Variants in TRAPPC8 observed in about 807,000 individuals in gnomAD.
The protein encoded by TRAPPC8 is trafficking protein particle complex subunit 8.
TRAPPC8 carries 54 observed loss-of-function variants against 174.3 expected under a neutral mutation model. The ratio of observed to expected loss-of-function variants is 0.31; its 90% CI spans 0.25 to 0.39. The LOEUF is 0.39. TRAPPC8 is among the 10% of genes least tolerant of loss of function. The probability of loss-of-function intolerance (pLI) is 1.00; values close to 1 mark genes in which losing one functional copy is unlikely to be tolerated. For synonymous variants in TRAPPC8, 630 were observed against 579.9 expected, an observed-to-expected ratio of 1.09 and a Z score of -1.24; for missense variants, 1,531 against 1,699.1, an observed-to-expected ratio of 0.90 and a Z score of 1.74.
chr18:31,920,759 G>T (rs1196537473), intron 2 of TRAPPC8, among the ~76,000 whole-genome samples: 1 of 151,974 alleles, frequency 6.6e-6, no homozygotes, highest in Non-Finnish European at 1.5e-5. Flanking sequence ...CGACCAACAT[G>T]GTAGAACGCT....
At chr18:31,924,035 G>A (rs1393212725) in intron 2 of TRAPPC8, among the ~76,000 whole-genome samples, 1 of 152,172 alleles carries the variant, frequency 6.6e-6, no homozygotes, top group Non-Finnish European at 1.5e-5. Context: ...TATAATCCCA[G>A]CACTTTAGGA....
intron 1 of TRAPPC8, among the ~76,000 whole-genome samples, chr18:31,936,536 C>A (rs966146130): frequency 5.9e-5 from 9 of 152,234 alleles, no homozygotes; most frequent in African/African-American, 2.2e-4. Context: ...TTTGGTACTT[C>A]CACACCTTGG....
Position 31,883,594 on chromosome 18 carries a change from G to A in TRAPPC8, c.1728+7141C>T, listed in dbSNP as rs142139146. 11 of 153,132 alleles carry A rather than the reference G, an allele frequency of 7.2e-5. No individual in the cohort carries two copies. The South Asian group carries it at 1.9e-3, about 26-fold the overall frequency. The allele number at this position is 153,132 out of a possible 1,614,324, so 9.5% of individuals were successfully genotyped here. On this transcript the variant is annotated intron_variant, in intron 12 of 28. Coordinates refer to ENST00000283351, the MANE Select transcript of TRAPPC8 (RefSeq NM_014939.5). ...GAACTCACCAGGTACTAACCATTTG[G>A]CCATCACTGCCCAACTAATGAAAGA... is the stretch of plus-strand genomic sequence containing the variant.
chr18:31,840,361 T>C (rs1455295279), intron 26 of TRAPPC8, among the ~76,000 whole-genome samples: 1 of 128,380 alleles, frequency 7.8e-6, no homozygotes. Context: ...TGCCTCAAAA[T>C]AAATAGAGAG....
intron 2 of TRAPPC8, among the ~76,000 whole-genome samples, chr18:31,917,888 C>T (rs1466004911): frequency 6.6e-6 from 1 of 152,098 alleles, no homozygotes; most frequent in African/African-American, 2.4e-5. Flanking sequence ...CTTTGGGAGG[C>T]CAAGGTGGGT....
rs1233277181 is a variant in TRAPPC8 at position 31,829,385 on chromosome 18, T to C, written c.*1370A>G. ...CCTCCTCAGACTTTTTATAAGCCCA[T>C]GGCCCTAAACTCTCAAGAAGGAAAT... On this transcript the variant is annotated 3_prime_UTR_variant, in exon 29 of 29. Transcript: ENST00000283351. The C allele has an allele frequency of 6.6e-6, 1 of 152,170 alleles. No individual in the cohort carries two copies. The highest frequency in any genetic ancestry group is 1.5e-5 in the Non-Finnish European group (1 of 68,030). 9.4% of individuals were successfully genotyped at this position (152,170 alleles called of 1,614,324 possible). A position where few individuals can be genotyped will look rare whatever the true frequency, so the allele number is the denominator to read the frequency against.
In TRAPPC8 at chr18:31,936,628, G is replaced by C. The variant is rs1035682945; in HGVS notation, c.158-5105C>G. On this transcript the variant is annotated intron_variant, in intron 1 of 28. Coordinates refer to ENST00000283351, the MANE Select transcript of TRAPPC8 (RefSeq NM_014939.5). ...CTAAAAGAAATTTAAGAGGCCAGAC[G>C]CAGTGGCTCATGCCTGTAATCCAGC... Among the ~76,000 whole-genome samples, 3 of 152,168 alleles carry C rather than the reference G, an allele frequency of 2.0e-5. No individual in the cohort carries two copies. In the South Asian group the frequency reaches 6.2e-4, roughly 32 times the overall value.
intron 27 of TRAPPC8, among the ~76,000 whole-genome samples, chr18:31,834,404 C>A (rs2032585947): frequency 6.6e-6 from 1 of 152,156 alleles, no homozygotes; most frequent in African/African-American, 2.4e-5. Flanking sequence ...GCCACCAGGT[C>A]CAGTCTTGGG....
chr18:31,920,302 T>C (rs2037326885), intron 2 of TRAPPC8, among the ~76,000 whole-genome samples: 1 of 152,168 alleles, frequency 6.6e-6, no homozygotes. Flanking sequence ...AAATAGCTCT[T>C]CTTAGCAACA....
In TRAPPC8 at chr18:31,913,995, A is replaced by T. The variant is rs913415093; in HGVS notation, c.618-473T>A. 3.3e-5 allele frequency among the ~76,000 whole-genome samples: 5 copies of T among 152,048 alleles called. No individual in the cohort carries two copies. The East Asian group carries it at 9.7e-4, about 29-fold the overall frequency. ...ATCCTAGGCAACATAGGGAAACCCT[A>T]TCTCTATCAAAATTAAAATTAACCA... On this transcript the variant is annotated intron_variant, in intron 4 of 28. Transcript: ENST00000283351.
At chr18:31,919,543 A>G (rs1267347345) in intron 2 of TRAPPC8, among the ~76,000 whole-genome samples, 1 of 99,088 alleles carries the variant, frequency 1.0e-5, no homozygotes, top group Non-Finnish European at 2.1e-5. Context: ...AAAATAAATA[A>G]ATAAATAAAT....
intron 25 of TRAPPC8, among the ~76,000 whole-genome samples, chr18:31,848,774 TA>T (rs1287825624): frequency 6.6e-6 from 1 of 152,182 alleles, no homozygotes; most frequent in Non-Finnish European, 1.5e-5. Flanking sequence ...ACAAGATCCT[TA>T]ATTTTACTGC....
At chr18:31,867,587 A>T in intron 16 of TRAPPC8, 111 bp from the exon 17 acceptor site, 2 of 686,562 alleles carry the variant, frequency 2.9e-6, no homozygotes, top group Non-Finnish European at 4.6e-6. Context: ...GTCTGCATTT[A>T]CTTGGTTTTT....
rs1440971152 is a variant in TRAPPC8 at position 31,916,284 on chromosome 18, C to G, written c.605G>C (p.Gly202Ala). 6.4e-7 allele frequency: 1 copy of G among 1,550,400 alleles called. No homozygotes were observed. Among genetic ancestry groups the G allele is most frequent in the Non-Finnish European group, 8.7e-7 (1 of 1,152,160 alleles). The part of the protein sequence containing the change: ...YYVLLHDVSA[G>A]DEQRAESIYE... ...AATAAAAACTTACCTCTGTTCATCT[C>G]CTGCACTTACATCATGTAAAAGTAC... The change falls in exon 4 of 29, where the codon GGA becomes GCA. Residue 202 changes from glycine (G) to alanine (A), a missense_variant. Gly to Ala is a moderately conservative substitution (Grantham distance 60). Transcript: ENST00000283351.
chr18:31,900,871 AAG>A, intron 10 of TRAPPC8, 52 bp downstream of exon 10: 5 of 1,413,508 alleles, frequency 3.5e-6, no homozygotes, highest in East Asian at 2.4e-5. Flanking sequence ...AAAAAAAAAA[AAG>A]AACAAACTGA....
At chr18:31,837,028 C>T (rs559492598) in intron 27 of TRAPPC8, among the ~76,000 whole-genome samples, 1 of 152,040 alleles carries the variant, frequency 6.6e-6, no homozygotes. Context: ...TCCCAAAGTG[C>T]TGGGATTACA....
At chr18:31,861,936 A>AGGG (rs398032373) in intron 19 of TRAPPC8, among the ~76,000 whole-genome samples, 80 of 64,148 alleles carry the variant, frequency 1.2e-3, no homozygotes, top group Non-Finnish European at 2.0e-3. Flanking sequence ...AAAAAAAAAA[A>AGGG]GGGGGGGGGG....
intron 11 of TRAPPC8, among the ~76,000 whole-genome samples, chr18:31,893,136 T>C (rs1198848805): frequency 6.6e-6 from 1 of 152,226 alleles, no homozygotes; most frequent in Non-Finnish European, 1.5e-5. Context: ...ATTGCCTGTT[T>C]ATGCTCTTTT....
intron 2 of TRAPPC8, among the ~76,000 whole-genome samples, chr18:31,921,740 G>A (rs2037398164): frequency 6.6e-6 from 1 of 152,054 alleles, no homozygotes; most frequent in Non-Finnish European, 1.5e-5. Context: ...TCACCTTCTG[G>A]AAAACGGAAT....
Sources: allele counts gnomAD v4.1 joint callset (sites outside exome capture counted in the v4.1 genomes callset), GRCh38; gene constraint gnomAD v4.1.1; transcripts MANE v1.5; gene names NCBI Gene and HGNC (gene_info 2026-07-23, HGNC 2026-07-21).